The following MCC variants were observed in gnomAD, a reference collection of about 807,000 sequenced individuals.
MCC encodes the protein colorectal mutant cancer protein.
In MCC, 90 loss-of-function variants were observed where a neutral mutation model predicts 116.2. The observed-to-expected ratio is 0.77, with a 90% confidence interval of 0.65 to 0.92. MCC has a LOEUF of 0.92. MCC is among the 40% of genes least tolerant of loss of function. MCC has a pLI of 0.00. For synonymous variants in MCC, 578 were observed against 510.5 expected (o/e 1.13, Z -1.78); for missense variants, 1,516 against 1,312.2 (o/e 1.16, Z -2.40).
chr5:113,474,279 G>C (rs149473806), intron 1 of MCC, among the ~76,000 whole-genome samples: 152 of 152,284 alleles, frequency 1.0e-3, no homozygotes, highest in Non-Finnish European at 1.9e-3. Context: ...TGGTGTAGGA[G>C]TATGTGCAAG....
At chr5:113,345,408 G>A (rs1464862968) in intron 2 of MCC, among the ~76,000 whole-genome samples, 1 of 152,210 alleles carries the variant, frequency 6.6e-6, no homozygotes, top group African/African-American at 2.4e-5. Context: ...CTAGGGCCTT[G>A]AGTGAACATA....
chr5:113,377,584 G>A (rs1421252393), intron 2 of MCC, among the ~76,000 whole-genome samples: 1 of 152,032 alleles, frequency 6.6e-6, no homozygotes, highest in Non-Finnish European at 1.5e-5. Context: ...AGATGAGGGA[G>A]GATCCATACC....
At chr5:113,487,971 G>C (rs1772588226) in intron 1 of MCC, among the ~76,000 whole-genome samples, 1 of 152,170 alleles carries the variant, frequency 6.6e-6, no homozygotes, top group Non-Finnish European at 1.5e-5. Flanking sequence ...CAAGCCCCCG[G>C]AAGAGTGCGC....
chr5:113,211,160 C>A (rs1763121352), intron 3 of MCC, among the ~76,000 whole-genome samples: 1 of 152,172 alleles, frequency 6.6e-6, no homozygotes, highest in African/African-American at 2.4e-5. Context: ...GTAGAACCCT[C>A]ACGAATGGGA....
intron 1 of MCC, among the ~76,000 whole-genome samples, chr5:113,388,794 TCCCC>T (rs975232020): frequency 3.3e-5 from 5 of 152,232 alleles, no homozygotes; most frequent in South Asian, 4.1e-4. Context: ...GACTAACATG[TCCCC>T]ATTTTACAGA....
At chr5:113,123,152 A>G (rs1401980436) in intron 5 of MCC, among the ~76,000 whole-genome samples, 1 of 152,198 alleles carries the variant, frequency 6.6e-6, no homozygotes, top group Non-Finnish European at 1.5e-5. Flanking sequence ...AATAAGAACT[A>G]AGGCTACTAG....
chr5:113,335,576 T>C (rs1250363210), intron 3 of MCC, among the ~76,000 whole-genome samples: 2 of 151,730 alleles, frequency 1.3e-5, no homozygotes, highest in African/African-American at 2.4e-5. Context: ...ACTAGCATTA[T>C]TTCCTGGTAA....
intron 6 of MCC, among the ~76,000 whole-genome samples, chr5:113,114,621 C>G (rs1005689015): frequency 6.6e-6 from 1 of 152,166 alleles, no homozygotes; most frequent in African/African-American, 2.4e-5. Context: ...ACCCCACTGG[C>G]AGAGAGCAGA....
intron 3 of MCC, among the ~76,000 whole-genome samples, chr5:113,208,964 T>G (rs1359444630): frequency 6.6e-6 from 1 of 152,230 alleles, no homozygotes; most frequent in African/African-American, 2.4e-5. Flanking sequence ...TCGTGGTATA[T>G]ATTGCTATCA....
chr5:113,093,617 G>T (rs1385738942), intron 8 of MCC, among the ~76,000 whole-genome samples: 4 of 152,122 alleles, frequency 2.6e-5, no homozygotes, highest in South Asian at 2.1e-4. Flanking sequence ...CACAGAAGCA[G>T]GTTTCCAAAG....
intron 2 of MCC, among the ~76,000 whole-genome samples, chr5:113,353,223 T>G (rs1218086123): frequency 2.0e-5 from 3 of 152,110 alleles, no homozygotes; most frequent in African/African-American, 7.2e-5. Flanking sequence ...CTTACTGAGT[T>G]CTCGAACAAA....
intron 6 of MCC, among the ~76,000 whole-genome samples, chr5:113,114,302 G>C (rs1429839531): frequency 6.6e-6 from 1 of 152,218 alleles, no homozygotes; most frequent in Non-Finnish European, 1.5e-5. Flanking sequence ...ATATGCTGCA[G>C]TGGAGATTTA....
At position 113,043,809 on chromosome 5, in the gene MCC, T is replaced by A. The variant is rs144341634; in HGVS notation, c.2656-179A>T. ...CAGCAAGCCAAAGAGGCCCCTCTGC[T>A]CCCAGACCGCTGGCTCCTTTTGCAG... On this transcript the variant is annotated intron_variant, in intron 16 of 18. Transcript: ENST00000408903. Among the ~76,000 whole-genome samples, 391 of 152,330 alleles carry A rather than the reference T, an allele frequency of 2.6e-3. 5 individuals carry two copies. The highest frequency in any genetic ancestry group is 8.3e-3 in the African/African-American group (347 of 41,582).
intron 1 of MCC, chr5:113,435,179 C>T (rs1770812628): frequency 3.7e-6 from 1 of 272,780 alleles, no homozygotes; most frequent in Non-Finnish European, 7.0e-6. Flanking sequence ...TAGAAGGGGA[C>T]TGTGTGGGAC....
intron 2 of MCC, among the ~76,000 whole-genome samples, chr5:113,381,952 C>T (rs566278050): frequency 6.6e-6 from 1 of 152,276 alleles, no homozygotes; most frequent in East Asian, 1.9e-4. Context: ...TAAAGTATAG[C>T]TAGCATGAAG....
At chr5:113,466,497 T>C (rs1771913013) in intron 1 of MCC, among the ~76,000 whole-genome samples, 1 of 152,062 alleles carries the variant, frequency 6.6e-6, no homozygotes, top group Non-Finnish European at 1.5e-5. Context: ...TCCATGTCCC[T>C]ACAAAGGACA....
chr5:113,456,819 A>G (rs944673047), intron 1 of MCC, among the ~76,000 whole-genome samples: 9 of 151,496 alleles, frequency 5.9e-5, no homozygotes, highest in Non-Finnish European at 1.3e-4. Flanking sequence ...GTTCTAGGGT[A>G]CATGTGCACA....
rs766679506 is a variant in MCC at position 113,090,396 on chromosome 5, C to T, written c.1399-5086G>A. On this transcript the variant is annotated intron_variant, in intron 8 of 18. Transcript: ENST00000408903. ...GAAGCTTACACAGCAGCACTGACAG[C>T]TCAGTTGAGCTCTCTTTGAAGACAG... Among the ~76,000 whole-genome samples, 2 of 151,004 alleles carry T rather than the reference C, an allele frequency of 1.3e-5. 1 individual carries two copies. Among genetic ancestry groups the T allele is most frequent in the Non-Finnish European group, 2.9e-5 (2 of 67,872 alleles).
intron 1 of MCC, among the ~76,000 whole-genome samples, chr5:113,409,908 A>G (rs1377455277): frequency 6.6e-6 from 1 of 150,992 alleles, no homozygotes; most frequent in Non-Finnish European, 1.5e-5. Flanking sequence ...TAAGGAAAAT[A>G]GGAAAAGCAA....
Sources: allele counts gnomAD v4.1 joint callset (sites outside exome capture counted in the v4.1 genomes callset), GRCh38; gene constraint gnomAD v4.1.1; transcripts MANE v1.5; gene names NCBI Gene and HGNC (gene_info 2026-07-23, HGNC 2026-07-21).